The following ZNF140 variants were observed in gnomAD, a reference collection of about 807,000 sequenced individuals.
ZNF140 encodes zinc finger protein 140.
Under a neutral mutation model 12.9 loss-of-function variants are expected in ZNF140, and 13 were observed. The observed-to-expected ratio is 1.01, with a 90% CI of 0.66 to 1.60. The LOEUF (loss-of-function observed/expected upper bound fraction) is 1.60, where lower values mean the gene tolerates loss of function less well. Ranked by LOEUF, ZNF140 falls within the 40% of genes most tolerant of loss-of-function variation. The pLI is 0.00. For synonymous variants in ZNF140, 214 were observed against 186.7 expected (o/e 1.15, Z -1.19); for missense variants, 531 against 548.8 (o/e 0.97, Z 0.32).
At position 133,106,091 on chromosome 12, in the gene ZNF140, C is replaced by G. The variant is rs1283887990; in HGVS notation, c.814C>G (p.Gln272Glu). Residue 272 changes from glutamine (Q) to glutamate (E), a missense_variant, in exon 5 of 5, where the codon CAA becomes GAA. Transcript: ENST00000355557. ...TCAAAGAATTCACATAGGAAAGAAA[C>G]AATATATATGTAGGAAATGTGGTAA... is the stretch of plus-strand genomic sequence containing the variant. ...RHQRIHIGKK[Q>E]YICRKCGKAF... The G allele has an allele frequency of 4.3e-6, 7 of 1,613,972 alleles. No homozygotes were observed. The highest frequency in any genetic ancestry group is 5.9e-6 in the Non-Finnish European group (7 of 1,180,022).
chr12:133,084,887 A>G (rs374014739), intron 4 of ZNF140, among the ~76,000 whole-genome samples: 2 of 152,238 alleles, frequency 1.3e-5, no homozygotes, highest in East Asian at 1.9e-4. Context: ...GAGATGGAAC[A>G]GGTGCAGGGA....
chr12:133,106,260 C>G lies in ZNF140; in HGVS notation c.983C>G (p.Pro328Arg), dbSNP rs145642591. Residue 328 changes from proline to arginine, a missense_variant, in exon 5 of 5, where the codon CCG (proline) becomes CGG (arginine). Pro to Arg is a moderately radical substitution (Grantham distance 103, BLOSUM62 -2). Coordinates refer to ENST00000355557, the MANE Select transcript of ZNF140 (RefSeq NM_003440.4). ...RHQSIHTTKT[P>R]YECNECRKAF... ...CAGAGCATCCATACAACCAAAACCCCGTATGAATGTAATGAATGTAGGAAA... is the reference window on the plus strand; with the variant it reads ...CAGAGCATCCATACAACCAAAACCCGGTATGAATGTAATGAATGTAGGAAA... The G allele has an allele frequency of 5.6e-6, 9 of 1,614,138 alleles. No individual in the cohort carries two copies. The highest frequency in any genetic ancestry group is 6.8e-6 in the Non-Finnish European group (8 of 1,180,016).
At chr12:133,081,207 G>C (rs1954464544) in intron 1 of ZNF140, 66 bp from the exon 2 acceptor site, 1 of 743,344 alleles carries the variant, frequency 1.3e-6, no homozygotes, top group South Asian at 1.6e-5. Flanking sequence ...CCCAGTGCGG[G>C]AATCTAGTGA....
At chr12:133,082,559 C>T (rs1954538244) in intron 2 of ZNF140, 1 of 153,836 alleles carries the variant, frequency 6.5e-6, no homozygotes, top group South Asian at 2.0e-4. Flanking sequence ...AATCAAGATT[C>T]TTTATTGCTT....
At chr12:133,091,178 A>G (rs2137519304) in intron 4 of ZNF140, among the ~76,000 whole-genome samples, 1 of 150,338 alleles carries the variant, frequency 6.7e-6, no homozygotes, top group African/African-American at 2.5e-5. Context: ...AGACTCTCAC[A>G]TTGGGAGAAA....
chr12:133,083,245 C>T lies in ZNF140; in HGVS notation c.136+16C>T. ...GTCTCACTGGGTAAGTATTCTTCTT[C>T]ATCTCCCTCAAGGCAAAATTTGACC... On this transcript the variant is annotated intron_variant, in intron 3 of 4. Coordinates refer to ENST00000355557, the MANE Select transcript of ZNF140 (RefSeq NM_003440.4). 2 of 1,601,616 alleles carry T rather than the reference C, an allele frequency of 1.2e-6. No homozygotes were observed. The highest frequency in any genetic ancestry group is 1.3e-5 in the African/African-American group (1 of 74,776).
At chr12:133,095,899 G>C (rs1011716048) in intron 4 of ZNF140, among the ~76,000 whole-genome samples, 5 of 148,224 alleles carry the variant, frequency 3.4e-5, no homozygotes, top group Admixed American at 2.0e-4. Context: ...GGGCGGTTTT[G>C]CTACTATCTC....
rs1487478607 is a variant in ZNF140 at position 133,083,220 on chromosome 12, G to T, written c.127G>T (p.Val43Phe). 4.3e-6 allele frequency: 7 copies of T among 1,612,552 alleles called. No individual in the cohort carries two copies. The African/African-American group carries it at 9.4e-5, about 22-fold the overall frequency. ...AATGTTGGAGAACTATGGCCATCTG[G>T]TCTCACTGGGTAAGTATTCTTCTTC... ...CVMLENYGHL[V>F]SLGLSISKPD... The change falls in exon 3 of 5, where the codon GTC (valine) becomes TTC (phenylalanine). Residue 43 changes from valine to phenylalanine, a missense_variant. Transcript: ENST00000355557.
chr12:133,081,199 C>A, intron 1 of ZNF140, 74 bp from the exon 2 acceptor site: 2 of 633,126 alleles, frequency 3.2e-6, no homozygotes, highest in East Asian at 3.5e-5. Context: ...CGGGAATCCC[C>A]AGTGCGGGAA....
intron 4 of ZNF140, among the ~76,000 whole-genome samples, chr12:133,096,021 C>T (rs1338521537): frequency 6.6e-6 from 1 of 150,952 alleles, no homozygotes; most frequent in African/African-American, 2.4e-5. Context: ...TCCTCTTTTA[C>T]CAATCCACCT....
chr12:133,090,698 G>GA (rs1220521024), intron 4 of ZNF140, among the ~76,000 whole-genome samples: 1 of 149,334 alleles, frequency 6.7e-6, no homozygotes, highest in Non-Finnish European at 1.5e-5. Flanking sequence ...ACCGGCCTCT[G>GA]AGTTCCCTCA....
At chr12:133,085,481 G>A (rs1032085676) in intron 4 of ZNF140, among the ~76,000 whole-genome samples, 3 of 152,112 alleles carry the variant, frequency 2.0e-5, no homozygotes, top group Admixed American at 6.5e-5. Context: ...AAACAGTCAC[G>A]TGACCAAGGT....
chr12:133,104,006 T>C (rs1415570593), intron 4 of ZNF140, among the ~76,000 whole-genome samples: 1 of 152,230 alleles, frequency 6.6e-6, no homozygotes, highest in Non-Finnish European at 1.5e-5. Flanking sequence ...TCTTGATCCA[T>C]TATTGAGATA....
Position 133,105,703 on chromosome 12 carries a change from C to A in ZNF140, c.426C>A (p.Val142=), listed in dbSNP as rs1445117265. The A allele has an allele frequency of 6.2e-7, 1 of 1,614,146 alleles. No homozygotes were observed. Among genetic ancestry groups the A allele is most frequent in the East Asian group, 2.2e-5 (1 of 44,872 alleles). The part of the protein sequence containing the change: ...ENQGCIRKVT[V]SHQEALAQHM... Reference sequence around the variant, plus strand: ...AGGGATGTATTAGGAAAGTAACAGTCTCTCATCAAGAAGCCCTGGCTCAAC... The same window carrying A: ...AGGGATGTATTAGGAAAGTAACAGTATCTCATCAAGAAGCCCTGGCTCAAC... Residue 142 remains valine, a synonymous_variant, in exon 5 of 5, where the codon GTC becomes GTA. Transcript: ENST00000355557.
chr12:133,103,031 TTTAA>T (rs1955414456), intron 4 of ZNF140, among the ~76,000 whole-genome samples: 2 of 148,486 alleles, frequency 1.3e-5, no homozygotes, highest in African/African-American at 5.3e-5. Context: ...TTTTCTTCTT[TTTAA>T]TTGACACAAT....
At chr12:133,080,504 G>C (rs1372966011), upstream of ZNF140, 1 of 152,336 alleles carries the variant, frequency 6.6e-6, no homozygotes, top group Non-Finnish European at 1.5e-5. Context: ...TTCTCCGCTA[G>C]TTGTGCGCTT....
At position 133,105,793 on chromosome 12, in the gene ZNF140, A is replaced by G; in HGVS notation, c.516A>G (p.Arg172=). 1 of 1,614,170 alleles carries G rather than the reference A, an allele frequency of 6.2e-7. No homozygotes were observed. Among genetic ancestry groups the G allele is most frequent in the Non-Finnish European group, 8.5e-7 (1 of 1,180,030 alleles). Residue 172 remains arginine (R), a synonymous_variant, in exon 5 of 5, where the codon CGA becomes CGG. Transcript: ENST00000355557. The part of the protein sequence containing the change: ...GCHECGKTFG[R]RFSLVLHQRT... Reference sequence around the variant, plus strand: ...ATGAATGTGGAAAAACTTTTGGTCGACGCTTTTCCCTGGTGTTACACCAGA... The same window carrying G: ...ATGAATGTGGAAAAACTTTTGGTCGGCGCTTTTCCCTGGTGTTACACCAGA...
At chr12:133,082,414 C>T (rs1489437649) in intron 2 of ZNF140, 17 of 152,232 alleles carry the variant, frequency 1.1e-4, no homozygotes, top group Admixed American at 1.0e-3. Context: ...CCATTCATGC[C>T]TTATAGATCA....
intron 2 of ZNF140, chr12:133,081,630 A>G (rs1319311104): frequency 2.2e-6 from 1 of 451,388 alleles, no homozygotes; most frequent in South Asian, 1.6e-5. Flanking sequence ...ATACTTAAGT[A>G]TACATGAAGA....
Sources: allele counts gnomAD v4.1 joint callset (sites outside exome capture counted in the v4.1 genomes callset), GRCh38; gene constraint gnomAD v4.1.1; transcripts MANE v1.5; gene names NCBI Gene and HGNC (gene_info 2026-07-23, HGNC 2026-07-21).